CNTN4: variants seen among roughly 807,000 people sequenced by gnomAD.
CNTN4 encodes contactin 4.
Under a neutral mutation model 122.5 loss-of-function variants are expected in CNTN4, and 77 were observed. That is an observed-to-expected ratio of 0.63 (90% CI 0.52 to 0.76). The LOEUF is 0.76. Among genes scored for constraint, CNTN4 ranks in the 30% least tolerant of loss-of-function variants. The pLI, the probability that CNTN4 is intolerant of heterozygous loss-of-function variation, is 0.00. For synonymous variants in CNTN4, 512 were observed against 447.0 expected (o/e 1.15, Z -1.83); for missense variants, 1,256 against 1,259.1 (o/e 1.00, Z 0.04).
At chr3:2,295,973 A>G (rs2150032414) in intron 2 of CNTN4, among the ~76,000 whole-genome samples, 1 of 152,278 alleles carries the variant, frequency 6.6e-6, no homozygotes, top group Middle Eastern at 3.4e-3. Flanking sequence ...GGTTTGTCAA[A>G]GATCAGATAG....
intron 13 of CNTN4, among the ~76,000 whole-genome samples, chr3:2,974,512 G>T (rs533786997): frequency 4.6e-5 from 7 of 152,138 alleles, no homozygotes; most frequent in Non-Finnish European, 7.3e-5. Flanking sequence ...TTTAGAGATG[G>T]CAGTCTGGAG....
intron 2 of CNTN4, among the ~76,000 whole-genome samples, chr3:2,265,907 A>T (rs2041024902): frequency 6.6e-6 from 1 of 151,818 alleles, no homozygotes; most frequent in African/African-American, 2.4e-5. Context: ...TGATTTTTGT[A>T]TGTTGATTTT....
At chr3:2,114,218 C>T (rs1371249157) in intron 2 of CNTN4, among the ~76,000 whole-genome samples, 3 of 151,584 alleles carry the variant, frequency 2.0e-5, no homozygotes, top group Non-Finnish European at 2.9e-5. Context: ...TTTGTGAGGC[C>T]GAAGTGGGCA....
chr3:2,530,220 G>T (rs1003758982), intron 3 of CNTN4, among the ~76,000 whole-genome samples: 1 of 151,498 alleles, frequency 6.6e-6, no homozygotes, highest in Non-Finnish European at 1.5e-5. Flanking sequence ...ATAAAATCCA[G>T]CTCTGTCACT....
intron 4 of CNTN4, among the ~76,000 whole-genome samples, chr3:2,699,625 G>C (rs148951741): frequency 2.0e-5 from 3 of 152,144 alleles, no homozygotes; most frequent in African/African-American, 2.4e-5. Flanking sequence ...CTTAGTGTCC[G>C]AATGGCTAGT....
chr3:2,808,764 C>T (rs879630931), intron 6 of CNTN4, among the ~76,000 whole-genome samples: 10 of 150,330 alleles, frequency 6.7e-5, no homozygotes, highest in Non-Finnish European at 1.3e-4. Flanking sequence ...TAGCTTTCCA[C>T]TTAAGGATGG....
chr3:2,320,850 T>C (rs180689067), intron 2 of CNTN4, among the ~76,000 whole-genome samples: 28 of 152,284 alleles, frequency 1.8e-4, no homozygotes, highest in African/African-American at 6.5e-4. Context: ...ACAGCATAAG[T>C]ACATCTGTGT....
intron 3 of CNTN4, among the ~76,000 whole-genome samples, chr3:2,484,952 C>A (rs138363923): frequency 6.6e-6 from 1 of 152,280 alleles, no homozygotes; most frequent in East Asian, 1.9e-4. Flanking sequence ...CTGCGCTCAC[C>A]GGCCAGCGCG....
At chr3:2,415,797 C>A (rs2047390431) in intron 3 of CNTN4, among the ~76,000 whole-genome samples, 1 of 152,082 alleles carries the variant, frequency 6.6e-6, no homozygotes, top group African/African-American at 2.4e-5. Flanking sequence ...TTTATTCTCA[C>A]CTTTTTTTTA....
chr3:2,949,774 T>C (rs1414107365), intron 13 of CNTN4, among the ~76,000 whole-genome samples: 1 of 152,238 alleles, frequency 6.6e-6, no homozygotes, highest in Non-Finnish European at 1.5e-5. Context: ...TTGCATAATT[T>C]AACTTTGCTT....
intron 6 of CNTN4, among the ~76,000 whole-genome samples, chr3:2,759,245 T>G (rs2090476771): frequency 6.6e-6 from 1 of 152,162 alleles, no homozygotes; most frequent in Non-Finnish European, 1.5e-5. Flanking sequence ...AACCTCTGCC[T>G]CCCGGCTTCA....
intron 4 of CNTN4, among the ~76,000 whole-genome samples, chr3:2,658,965 G>GACACACACACAC (rs67168398): frequency 1.4e-5 from 2 of 139,610 alleles, no homozygotes; most frequent in Non-Finnish European, 3.1e-5. Flanking sequence ...CACACAAACA[G>GACACACACACAC]ACACACACAC....
chr3:2,865,544 C>T (rs1031545019), intron 7 of CNTN4, among the ~76,000 whole-genome samples: 1 of 152,128 alleles, frequency 6.6e-6, no homozygotes, highest in Non-Finnish European at 1.5e-5. Flanking sequence ...AACCAGAGGC[C>T]CCATTGCATT....
intron 7 of CNTN4, among the ~76,000 whole-genome samples, chr3:2,850,290 C>T (rs1365774162): frequency 6.6e-6 from 1 of 152,132 alleles, no homozygotes; most frequent in Non-Finnish European, 1.5e-5. Context: ...GCCTGGCCAG[C>T]AATCACTTTT....
intron 2 of CNTN4, among the ~76,000 whole-genome samples, chr3:2,310,957 A>G (rs928990726): frequency 1.3e-5 from 2 of 152,102 alleles, no homozygotes; most frequent in Non-Finnish European, 2.9e-5. Flanking sequence ...CATTTGATTT[A>G]TAAACAAAAA....
At chr3:2,946,238 G>A (rs2094676706) in intron 13 of CNTN4, among the ~76,000 whole-genome samples, 1 of 152,156 alleles carries the variant, frequency 6.6e-6, no homozygotes, top group African/African-American at 2.4e-5. Context: ...AGGGGAGAAG[G>A]GAGGGTCAAT....
In CNTN4 at chr3:2,491,028, G is replaced by C. The variant is rs182514940; in HGVS notation, c.-88-80388G>C. Among the ~76,000 whole-genome samples, 243 of 152,254 alleles carry C rather than the reference G, an allele frequency of 1.6e-3. 3 individuals carry two copies. The highest frequency in any genetic ancestry group is 3.1e-3 in the South Asian group (15 of 4,832). On this transcript the variant is annotated intron_variant, in intron 3 of 24. Coordinates refer to ENST00000418658, the MANE Select transcript of CNTN4 (RefSeq NM_175607.3). ...AAGAAAGAATAGGGGGGAAAAATCA[G>C]TCTTTCCAGGAGGGTAGAATCTTCT...
intron 13 of CNTN4, among the ~76,000 whole-genome samples, chr3:2,961,231 C>CAAAAAAACAAAAAAAAAAAAAAA (rs2094855119): frequency 2.7e-5 from 1 of 37,262 alleles, no homozygotes; most frequent in African/African-American, 1.0e-4. Context: ...CTCCATCTCA[C>CAAAAAAACAAAAAAAAAAAAAAA]AAAAAAAAAA....
At chr3:2,926,136 A>C (rs982479629) in intron 13 of CNTN4, among the ~76,000 whole-genome samples, 2 of 152,170 alleles carry the variant, frequency 1.3e-5, no homozygotes, top group African/African-American at 4.8e-5. Context: ...AAATAAGCCC[A>C]TGTCTTATTT....
Sources: gnomAD v4.1 joint callset for allele counts (sites outside exome capture counted in the v4.1 genomes callset) on GRCh38, gnomAD v4.1.1 for gene constraint, MANE v1.5 for transcripts, NCBI Gene and HGNC (gene_info 2026-07-23, HGNC 2026-07-21) for gene names.